MYDGF: variants seen among roughly 807,000 people sequenced by gnomAD.
MYDGF encodes the protein myeloid derived growth factor, also known as myeloid-derived growth factor.
MYDGF carries 29 observed loss-of-function variants against 24.2 expected under a neutral mutation model. That is an observed-to-expected ratio of 1.20 (90% confidence interval 0.89 to 1.63). The LOEUF (loss-of-function observed/expected upper bound fraction) is 1.63, where lower values mean the gene tolerates loss of function less well. Among genes scored for constraint, MYDGF ranks in the 40% most tolerant of loss-of-function variants. The pLI, the probability that MYDGF is intolerant of heterozygous loss-of-function variation, is 0.00. For synonymous variants in MYDGF, 105 were observed against 102.5 expected, an observed-to-expected ratio of 1.02 and a Z score of -0.15; for missense variants, 245 against 234.8, an observed-to-expected ratio of 1.04 and a Z score of -0.29.
intron 4 of MYDGF, 106 bp from the exon 5 acceptor site, chr19:4,660,109 T>TTA: frequency 8.9e-7 from 1 of 1,119,604 alleles, no homozygotes; most frequent in Non-Finnish European, 1.3e-6. Context: ...GCTTTCTACT[T>TTA]TTACTAGAGA....
At chr19:4,660,933 C>G (rs117291236) in intron 3 of MYDGF, among the ~76,000 whole-genome samples, 183 bp from the exon 4 acceptor site, 1 of 151,214 alleles carries the variant, frequency 6.6e-6, no homozygotes, top group Admixed American at 6.6e-5. Flanking sequence ...GGGGCCCTCT[C>G]AACAGCAGAC....
Position 4,659,928 on chromosome 19 carries a change from T to C in MYDGF, c.442+3A>G. On this transcript the variant is annotated splice_donor_region_variant and intron_variant, in intron 5 of 5. Transcript: ENST00000262947. ...CCTCTACCCCATCCCCATCTTTCCG[T>C]ACCTGCTGTTTTGGTCACTTCAAAT... The C allele has an allele frequency of 6.2e-7, 1 of 1,613,852 alleles. No individual in the cohort carries two copies. The highest frequency in any genetic ancestry group is 8.5e-7 in the Non-Finnish European group (1 of 1,179,762).
intron 3 of MYDGF, among the ~76,000 whole-genome samples, chr19:4,663,658 T>TAC (rs1331848728): frequency 1.1e-4 from 11 of 95,932 alleles, no homozygotes; most frequent in East Asian, 3.1e-4. Flanking sequence ...ATCCTCATTC[T>TAC]ACAGCCTCCA....
intron 3 of MYDGF, among the ~76,000 whole-genome samples, chr19:4,664,305 A>C (rs2088503599): frequency 6.6e-6 from 1 of 152,076 alleles, no homozygotes; most frequent in South Asian, 2.1e-4. Context: ...GCTGTGCTTT[A>C]TGGAATTTTA....
At chr19:4,669,236 G>A (rs891343925) in intron 1 of MYDGF, among the ~76,000 whole-genome samples, 3 of 152,220 alleles carry the variant, frequency 2.0e-5, no homozygotes, top group African/African-American at 7.2e-5. Flanking sequence ...CACTTTGGGA[G>A]GCCGAGGTGG....
Position 4,670,325 on chromosome 19 carries a change from G to A in MYDGF, c.10C>T (p.Pro4Ser), listed in dbSNP as rs1382723565. Residue 4 changes from proline to serine, a missense_variant, in exon 1 of 6, where the codon CCC becomes TCC. Coordinates refer to ENST00000262947, the MANE Select transcript of MYDGF (RefSeq NM_019107.4). ...CCGACGCCGTTCCACCCTCCGCTGG[G>A]CGCCGCCATGTTGGACTAGGGTCCT... MAAPSGGWNGVGAS... is the reference protein window; with the variant it reads MAASSGGWNGVGAS... The A allele has an allele frequency of 2.7e-6, 4 of 1,458,668 alleles. No homozygotes were observed. The highest frequency in any genetic ancestry group is 3.0e-5 in the African/African-American group (2 of 67,664). The allele number at this position is 1,458,668 out of a possible 1,614,324, so 90.4% of individuals were successfully genotyped here. A position where few individuals can be genotyped will look rare whatever the true frequency, so the allele number is the denominator to read the frequency against.
chr19:4,663,646 T>TACCC (rs1568287162), intron 3 of MYDGF, among the ~76,000 whole-genome samples: 1 of 51,968 alleles, frequency 1.9e-5, no homozygotes, highest in African/African-American at 1.3e-4. Context: ...CCTCCCCACC[T>TACCC]CATCCTCATT....
chr19:4,658,510 G>A (rs182310498), intron 5 of MYDGF, among the ~76,000 whole-genome samples: 1 of 152,150 alleles, frequency 6.6e-6, no homozygotes, highest in Admixed American at 6.6e-5. Context: ...TTCTCCAGCA[G>A]GGTCAGAACT....
chr19:4,665,347 C>T (rs963466664), intron 2 of MYDGF, among the ~76,000 whole-genome samples: 3 of 152,148 alleles, frequency 2.0e-5, no homozygotes, highest in Non-Finnish European at 4.4e-5. Context: ...CTCAGCCTCC[C>T]AAGTAGCTGG....
At chr19:4,665,684 A>T (rs112470196) in intron 2 of MYDGF, among the ~76,000 whole-genome samples, 7 of 151,686 alleles carry the variant, frequency 4.6e-5, no homozygotes, top group Admixed American at 3.9e-4. Context: ...AGCCGAGCGC[A>T]GTGGTGGGCG....
At chr19:4,669,928 G>A (rs1194672086) in intron 1 of MYDGF, among the ~76,000 whole-genome samples, 1 of 152,070 alleles carries the variant, frequency 6.6e-6, no homozygotes, top group Non-Finnish European at 1.5e-5. Flanking sequence ...CCCCCTCAAC[G>A]CCGCCGGGGC....
In MYDGF at chr19:4,668,637, A is replaced by C; in HGVS notation, c.183T>G (p.Tyr61Ter). The stretch of plus-strand genomic sequence containing the variant: ...GAGAGGCGTAAGTGAACATACACGT[A>C]TATTTGTCCTAGAGAATGGAAGGAA... ...FSHNVGPGDK[Y>*]TCMFTYASQG... Residue 61 changes from tyrosine to a stop codon, truncating the protein, a stop_gained, in exon 2 of 6, where the codon TAT becomes TAG. Coordinates refer to ENST00000262947, the MANE Select transcript of MYDGF (RefSeq NM_019107.4). LOFTEE classifies it high-confidence loss of function. 1 of 1,612,854 alleles carries C rather than the reference A, an allele frequency of 6.2e-7. No homozygotes were observed. Among genetic ancestry groups the C allele is most frequent in the South Asian group, 1.1e-5 (1 of 91,062 alleles).
intron 2 of MYDGF, among the ~76,000 whole-genome samples, chr19:4,667,954 G>A (rs2088533732): frequency 6.6e-6 from 1 of 152,134 alleles, no homozygotes; most frequent in Non-Finnish European, 1.5e-5. Context: ...TTGAGACAGA[G>A]TCTCGCTCTG....
chr19:4,662,016 A>G (rs1435686122), intron 3 of MYDGF, among the ~76,000 whole-genome samples: 1 of 152,138 alleles, frequency 6.6e-6, no homozygotes, highest in Non-Finnish European at 1.5e-5. Context: ...CGGCCTCTGC[A>G]GGGTCTCTCT....
At chr19:4,661,567 C>A (rs545224314) in intron 3 of MYDGF, among the ~76,000 whole-genome samples, 1 of 151,356 alleles carries the variant, frequency 6.6e-6, no homozygotes, top group African/African-American at 2.4e-5. Context: ...CAGAAGGTGT[C>A]GGAAGGTGAC....
chr19:4,670,161 C>A lies in MYDGF; in HGVS notation c.174G>T (p.Gly58=). ...VHSFSHNVGP[G]DKYTCMFTYA... is the part of the protein sequence containing the mutation. ...TATCCGGGACGGCGGTGGCACGTACCCCCGGGCCCACGTTATGGGAGAAGG... is the reference window on the plus strand; with the variant it reads ...TATCCGGGACGGCGGTGGCACGTACACCCGGGCCCACGTTATGGGAGAAGG... Residue 58 remains glycine, a splice_region_variant and synonymous_variant, in exon 1 of 6, where the codon GGG becomes GGT. Coordinates refer to ENST00000262947, the MANE Select transcript of MYDGF (RefSeq NM_019107.4). 2 of 1,532,854 alleles carry A rather than the reference C, an allele frequency of 1.3e-6. No individual in the cohort carries two copies. Among genetic ancestry groups the A allele is most frequent in the Non-Finnish European group, 1.8e-6 (2 of 1,139,732 alleles). 95.0% of individuals were successfully genotyped at this position (1,532,854 alleles called of 1,614,324 possible).
rs1231188355 is a variant in MYDGF at position 4,663,750 on chromosome 19, CAA to C, written c.287+1124_287+1125del. Among the ~76,000 whole-genome samples, 53 of 63,258 alleles carry C rather than the reference CAA, an allele frequency of 8.4e-4. 1 individual carries two copies. Among genetic ancestry groups the C allele is most frequent in the African/African-American group, 1.4e-3 (23 of 16,628 alleles). The allele number at this position is 63,258 out of a possible 152,430, so 41.5% of individuals were successfully genotyped here. Reference sequence around the variant, plus strand: ...CCCCACCCACCCCATCCTCATTCTACAAAGCCTCCAATCTACCCTCCCCACCC... The same window carrying C: ...CCCCACCCACCCCATCCTCATTCTACAGCCTCCAATCTACCCTCCCCACCC... On this transcript the variant is annotated intron_variant, in intron 3 of 5. Coordinates refer to ENST00000262947, the MANE Select transcript of MYDGF (RefSeq NM_019107.4).
chr19:4,660,883 A>G, intron 3 of MYDGF, 133 bp from the exon 4 acceptor site: 1 of 578,194 alleles, frequency 1.7e-6, no homozygotes, highest in Non-Finnish European at 2.9e-6. Context: ...CATGGACGCC[A>G]TTCCCGAGCA....
At chr19:4,668,075 G>A (rs1240695520) in intron 2 of MYDGF, among the ~76,000 whole-genome samples, 1 of 152,046 alleles carries the variant, frequency 6.6e-6, no homozygotes, top group Non-Finnish European at 1.5e-5. Flanking sequence ...CTACAGGCAT[G>A]TGCCACCATG....
Sources: gnomAD v4.1 joint callset for allele counts (sites outside exome capture counted in the v4.1 genomes callset) on GRCh38, gnomAD v4.1.1 for gene constraint, MANE v1.5 for transcripts, NCBI Gene and HGNC (gene_info 2026-07-23, HGNC 2026-07-21) for gene names.